Variants in ZBTB38 observed in about 807,000 individuals in gnomAD.
ZBTB38 encodes zinc finger and BTB domain-containing protein 38.
ZBTB38 carries 20 observed loss-of-function variants against 76.8 expected under a neutral mutation model. That is an observed-to-expected ratio of 0.26 (90% CI 0.18 to 0.38). ZBTB38 has a LOEUF of 0.38. ZBTB38 is among the 10% of genes least tolerant of loss of function. The pLI, the probability that ZBTB38 is intolerant of heterozygous loss-of-function variation, is 1.00. For synonymous variants in ZBTB38, 504 were observed against 544.2 expected (o/e 0.93, Z 1.03); for missense variants, 1,082 against 1,482.3 (o/e 0.73, Z 4.43).
At chr3:141,355,298 T>A (rs1348655719) in intron 1 of ZBTB38, among the ~76,000 whole-genome samples, 1 of 152,078 alleles carries the variant, frequency 6.6e-6, no homozygotes, top group East Asian at 1.9e-4. Flanking sequence ...AGGTCCTTAC[T>A]CTCCAAGGTT....
At chr3:141,440,912 T>C (rs2080003448) in intron 5 of ZBTB38, among the ~76,000 whole-genome samples, 2 of 151,570 alleles carry the variant, frequency 1.3e-5, no homozygotes, top group Non-Finnish European at 2.9e-5. Flanking sequence ...CATGCACCTG[T>C]AGTCCCAGCT....
At chr3:141,402,068 G>GT in intron 4 of ZBTB38, among the ~76,000 whole-genome samples, 1 of 152,338 alleles carries the variant, frequency 6.6e-6, no homozygotes, top group African/African-American at 2.4e-5. Flanking sequence ...TCCTAACTGC[G>GT]TTGTCCTTCG....
In ZBTB38 at chr3:141,445,865, T is replaced by C. The variant is rs768633804; in HGVS notation, c.3477T>C (p.Gly1159=). 1.2e-6 allele frequency: 2 copies of C among 1,613,270 alleles called. No homozygotes were observed. Among genetic ancestry groups the C allele is most frequent in the Non-Finnish European group, 8.5e-7 (1 of 1,180,028 alleles). ...GCCCAAGTCAGCAGGAGAAAATAGG[T>C]GACGTGTGCCACGAAAACTCAAATC... ...FKSPSQQEKI[G]DVCHENSNPL... is the part of the protein sequence containing the mutation. The change falls in exon 6 of 6, where the codon GGT becomes GGC. Residue 1159 remains glycine, a synonymous_variant. Coordinates refer to ENST00000321464, the MANE Select transcript of ZBTB38 (RefSeq NM_001376113.1). This position sits in a 1 kb window ranked among gnomAD's most constrained non-coding sequence, Gnocchi z 6.5.
At chr3:141,432,909 T>C (rs562231358) in intron 5 of ZBTB38, among the ~76,000 whole-genome samples, 22 of 152,352 alleles carry the variant, frequency 1.4e-4, no homozygotes, top group Non-Finnish European at 2.4e-4. Context: ...CTTTGAGACT[T>C]GGAAGGCAAG....
chr3:141,441,047 A>AAG (rs1559962419), intron 5 of ZBTB38, among the ~76,000 whole-genome samples: 1 of 151,578 alleles, frequency 6.6e-6, no homozygotes, highest in African/African-American at 2.4e-5. Flanking sequence ...AAAAAAAAAA[A>AAG]AAAGAAAAGA....
chr3:141,435,773 C>A (rs2078647241), intron 5 of ZBTB38, among the ~76,000 whole-genome samples: 1 of 150,268 alleles, frequency 6.7e-6, no homozygotes, highest in Non-Finnish European at 1.5e-5. Flanking sequence ...AAAAAAAAAA[C>A]TAAAATAAAA....
At chr3:141,406,665 G>T (rs1954583240) in intron 5 of ZBTB38, among the ~76,000 whole-genome samples, 2 of 152,016 alleles carry the variant, frequency 1.3e-5, no homozygotes, top group Non-Finnish European at 2.9e-5. Context: ...AGAATATAGG[G>T]GAAAAATGGT....
At chr3:141,429,639 C>T (rs1010245599) in intron 5 of ZBTB38, among the ~76,000 whole-genome samples, 4 of 152,232 alleles carry the variant, frequency 2.6e-5, no homozygotes, top group East Asian at 1.9e-4. Context: ...AAGCAGGCAA[C>T]GACGGGTGAT....
At chr3:141,366,541 C>T (rs574136040), upstream of ZBTB38, 9 of 152,234 alleles carry the variant, frequency 5.9e-5, no homozygotes, top group Non-Finnish European at 8.8e-5. Flanking sequence ...TTGTGAAATT[C>T]ACCTCTATAA....
intron 5 of ZBTB38, among the ~76,000 whole-genome samples, chr3:141,407,756 C>G (rs1014504891): frequency 4.6e-5 from 7 of 152,318 alleles, no homozygotes; most frequent in African/African-American, 1.7e-4. Context: ...TTCTGCGAAG[C>G]AGAGGAAGAG....
chr3:141,431,512 C>T (rs1441259669), intron 5 of ZBTB38, among the ~76,000 whole-genome samples: 1 of 151,558 alleles, frequency 6.6e-6, no homozygotes. Flanking sequence ...ACCCAAGGCA[C>T]ACGAGCTACC....
At chr3:141,346,782 T>TTTTG (rs150173767) in intron 1 of ZBTB38, among the ~76,000 whole-genome samples, 38 of 144,562 alleles carry the variant, frequency 2.6e-4, no homozygotes, top group Non-Finnish European at 4.8e-4. Context: ...TTGTTTTGTT[T>TTTTG]TGTGTGTGTG....
intron 5 of ZBTB38, among the ~76,000 whole-genome samples, chr3:141,426,545 G>T (rs1398202563): frequency 4.6e-5 from 7 of 152,210 alleles, no homozygotes; most frequent in Admixed American, 4.6e-4. Flanking sequence ...GGAGGGAGCA[G>T]ACGCCAGAAG....
intron 1 of ZBTB38, among the ~76,000 whole-genome samples, chr3:141,340,949 G>GGAAAGAAAGAAAGAAAGAAAA: frequency 8.9e-6 from 1 of 112,000 alleles, no homozygotes; most frequent in East Asian, 2.4e-4. Flanking sequence ...AAAGAAAGAA[G>GGAAAGAAAGAAAGAAAGAAAA]GAAAGAAAGA....
intron 1 of ZBTB38, among the ~76,000 whole-genome samples, chr3:141,359,997 A>G (rs1179610098): frequency 1.3e-5 from 2 of 152,208 alleles, no homozygotes. Context: ...CATAAGATGA[A>G]GTTTTAAAAC....
chr3:141,417,423 G>T (rs1158030370), intron 5 of ZBTB38, among the ~76,000 whole-genome samples: 1 of 152,146 alleles, frequency 6.6e-6, no homozygotes, highest in Admixed American at 6.5e-5. Context: ...CCAGCTCTTT[G>T]ATCTGGGCTC....
intron 5 of ZBTB38, among the ~76,000 whole-genome samples, chr3:141,425,768 T>C (rs1308526603): frequency 6.6e-6 from 1 of 152,258 alleles, no homozygotes; most frequent in Admixed American, 6.5e-5. Context: ...GCTAAGTTCT[T>C]TATGTTTTGG....
At chr3:141,357,531 ATTTG>A (rs1375597436) in intron 1 of ZBTB38, among the ~76,000 whole-genome samples, 1 of 151,096 alleles carries the variant, frequency 6.6e-6, no homozygotes, top group African/African-American at 2.4e-5. Flanking sequence ...TTGTTTGTTC[ATTTG>A]TTTGTTTGTT....
intron 5 of ZBTB38, among the ~76,000 whole-genome samples, chr3:141,435,343 C>CT (rs2078518036): frequency 6.6e-6 from 1 of 152,090 alleles, no homozygotes; most frequent in Non-Finnish European, 1.5e-5. Flanking sequence ...TATGTTCATC[C>CT]TATTTCTACA....
Sources: gnomAD v4.1 joint callset for allele counts (sites outside exome capture counted in the v4.1 genomes callset) on GRCh38, gnomAD v4.1.1 for gene constraint, Gnocchi (gnomAD v3.1) non-coding constraint, MANE v1.5 for transcripts, NCBI Gene and HGNC (gene_info 2026-07-23, HGNC 2026-07-21) for gene names.